The following ANGPT1 variants were observed in gnomAD, a reference collection of about 807,000 sequenced individuals.
The protein encoded by ANGPT1 is angiopoietin-1.
ANGPT1 carries 17 observed loss-of-function variants against 62.2 expected under a neutral mutation model. That is an observed-to-expected ratio of 0.27 (90% confidence interval 0.19 to 0.41). ANGPT1 has a LOEUF of 0.41. ANGPT1 is among the 10% of genes least tolerant of loss of function. The pLI, the probability that ANGPT1 is intolerant of heterozygous loss-of-function variation, is 1.00. For missense variants in ANGPT1, 478 were observed against 594.9 expected (o/e 0.80, Z 2.04); for synonymous variants, 199 against 198.9 (o/e 1.00, Z 0.00).
At chr8:107,273,953 C>A (rs911930360) in intron 7 of ANGPT1, among the ~76,000 whole-genome samples, 8 of 151,322 alleles carry the variant, frequency 5.3e-5, no homozygotes, top group African/African-American at 1.7e-4. Flanking sequence ...ATCTATGGTT[C>A]CTTGATCAAA....
intron 1 of ANGPT1, among the ~76,000 whole-genome samples, chr8:107,446,552 T>G (rs187861668): frequency 6.8e-4 from 103 of 152,314 alleles, no homozygotes; most frequent in Middle Eastern, 3.4e-3. Context: ...AGGATTTTAC[T>G]AGATAAAGTG....
chr8:107,405,382 C>T (rs1282589290), intron 1 of ANGPT1, among the ~76,000 whole-genome samples: 1 of 151,852 alleles, frequency 6.6e-6, no homozygotes, highest in Non-Finnish European at 1.5e-5. Flanking sequence ...ACATCCCTAA[C>T]CTAAAAATCC....
At chr8:107,425,813 G>A (rs1811027169) in intron 1 of ANGPT1, among the ~76,000 whole-genome samples, 1 of 152,140 alleles carries the variant, frequency 6.6e-6, no homozygotes, top group Non-Finnish European at 1.5e-5. Context: ...CCAACCCCAA[G>A]AGCTGGTTTC....
At chr8:107,461,634 A>C (rs543322640) in intron 1 of ANGPT1, among the ~76,000 whole-genome samples, 1 of 152,286 alleles carries the variant, frequency 6.6e-6, no homozygotes, top group Admixed American at 6.5e-5. Flanking sequence ...TGGATTTAAT[A>C]TTACCAAGCC....
At chr8:107,439,761 G>A (rs1169460004) in intron 1 of ANGPT1, among the ~76,000 whole-genome samples, 6 of 152,152 alleles carry the variant, frequency 3.9e-5, no homozygotes, top group Non-Finnish European at 7.4e-5. Context: ...GTATTCTGTG[G>A]TTCTTCATAG....
intron 8 of ANGPT1, among the ~76,000 whole-genome samples, chr8:107,263,917 C>T (rs1031574973): frequency 6.6e-6 from 1 of 152,034 alleles, no homozygotes; most frequent in Non-Finnish European, 1.5e-5. Flanking sequence ...GTTCATTTTA[C>T]TAAGGATATC....
intron 3 of ANGPT1, among the ~76,000 whole-genome samples, chr8:107,323,684 T>C (rs1815210032): frequency 6.6e-6 from 1 of 152,182 alleles, no homozygotes; most frequent in East Asian, 1.9e-4. Context: ...GTGATGATGA[T>C]GTCAATCATA....
At chr8:107,471,672 A>AT (rs1812362528) in intron 1 of ANGPT1, among the ~76,000 whole-genome samples, 1 of 152,000 alleles carries the variant, frequency 6.6e-6, no homozygotes, top group Admixed American at 6.6e-5. Flanking sequence ...GTTTGAATGT[A>AT]TTTTTTTGCA....
intron 6 of ANGPT1, among the ~76,000 whole-genome samples, chr8:107,287,957 T>C (rs1814182164): frequency 6.6e-6 from 1 of 152,186 alleles, no homozygotes; most frequent in African/African-American, 2.4e-5. Flanking sequence ...TTAAAATATA[T>C]GTCATAATAC....
intron 1 of ANGPT1, among the ~76,000 whole-genome samples, chr8:107,347,684 G>T (rs1815835501): frequency 3.3e-5 from 5 of 152,038 alleles, no homozygotes. Flanking sequence ...AACCTTTAAA[G>T]GAATATTAAA....
chr8:107,394,542 G>C (rs960408169), intron 1 of ANGPT1, among the ~76,000 whole-genome samples: 1 of 152,148 alleles, frequency 6.6e-6, no homozygotes, highest in Admixed American at 6.6e-5. Flanking sequence ...GAGCTGGGGG[G>C]AGGGAAGGAG....
intron 1 of ANGPT1, among the ~76,000 whole-genome samples, chr8:107,370,839 T>TAA (rs1372060317): frequency 2.7e-5 from 4 of 148,556 alleles, no homozygotes; most frequent in African/African-American, 9.9e-5. Context: ...GATAAAATGA[T>TAA]AATGGGAAAG....
intron 2 of ANGPT1, among the ~76,000 whole-genome samples, chr8:107,345,031 G>A (rs139731717): frequency 6.6e-6 from 1 of 152,146 alleles, no homozygotes; most frequent in East Asian, 1.9e-4. Flanking sequence ...GCTACAAATA[G>A]CATAAGCAAT....
chr8:107,370,700 C>CAAAAAA (rs71308729), intron 1 of ANGPT1, among the ~76,000 whole-genome samples: 63 of 75,542 alleles, frequency 8.3e-4, no homozygotes, highest in East Asian at 2.1e-3. Flanking sequence ...AAGACTCTGT[C>CAAAAAA]AAAAAAAAAA....
At chr8:107,361,443 A>G (rs1816160423) in intron 1 of ANGPT1, among the ~76,000 whole-genome samples, 1 of 148,626 alleles carries the variant, frequency 6.7e-6, no homozygotes. Flanking sequence ...TATATAGAAT[A>G]TATATAGATC....
At chr8:107,377,216 C>A (rs1405606285) in intron 1 of ANGPT1, among the ~76,000 whole-genome samples, 1 of 152,160 alleles carries the variant, frequency 6.6e-6, no homozygotes, top group Non-Finnish European at 1.5e-5. Flanking sequence ...AAGTATACAT[C>A]AACATTTTTT....
At chr8:107,309,830 A>T (rs1290685761) in intron 4 of ANGPT1, among the ~76,000 whole-genome samples, 1 of 152,112 alleles carries the variant, frequency 6.6e-6, no homozygotes, top group East Asian at 1.9e-4. Context: ...ATATGGTTAT[A>T]TGTGTGTGTG....
intron 1 of ANGPT1, among the ~76,000 whole-genome samples, chr8:107,431,294 C>T (rs1024775926): frequency 2.0e-5 from 3 of 152,134 alleles, no homozygotes; most frequent in Non-Finnish European, 4.4e-5. Context: ...TGCAAAAACA[C>T]AGATTTTGGT....
intron 4 of ANGPT1, among the ~76,000 whole-genome samples, chr8:107,310,989 GTGTA>G (rs1309476393): frequency 6.6e-6 from 1 of 150,512 alleles, no homozygotes; most frequent in African/African-American, 2.4e-5. Flanking sequence ...GTGAGTGTGT[GTGTA>G]TGTGTGTGAC....
Sources: gnomAD v4.1 joint callset for allele counts (sites outside exome capture counted in the v4.1 genomes callset) on GRCh38, gnomAD v4.1.1 for gene constraint, MANE v1.5 for transcripts, NCBI Gene and HGNC (gene_info 2026-07-23, HGNC 2026-07-21) for gene names.